Variants in VWA3B observed in about 807,000 individuals in gnomAD.
VWA3B encodes the protein von Willebrand factor A domain-containing protein 3B.
VWA3B carries 138 observed loss-of-function variants against 158.3 expected under a neutral mutation model. The observed-to-expected ratio is 0.87, with a 90% CI of 0.76 to 1.00. The LOEUF is 1.00. Among genes scored for constraint, VWA3B ranks in the 50% least tolerant of loss-of-function variants. The pLI, the probability that VWA3B is intolerant of heterozygous loss-of-function variation, is 0.00. For missense variants in VWA3B, 1,555 were observed against 1,565.1 expected, an observed-to-expected ratio of 0.99 and a Z score of 0.11; for synonymous variants, 596 against 587.3, an observed-to-expected ratio of 1.01 and a Z score of -0.21.
chr2:98,228,308 A>G lies in VWA3B; in HGVS notation c.2126A>G (p.Asn709Ser), dbSNP rs1165699108. 1 of 1,613,932 alleles carries G rather than the reference A, an allele frequency of 6.2e-7. No individual in the cohort carries two copies. ...TCCTTGATCATGGACTGGTGGTACAATGCAGAAAAGGATGGAGACAGCAAG... is the reference window on the plus strand; with the variant it reads ...TCCTTGATCATGGACTGGTGGTACAGTGCAGAAAAGGATGGAGACAGCAAG... Reference protein sequence around the residue: ...SESLIMDWWYNAEKDGDSKHQ... With the variant: ...SESLIMDWWYSAEKDGDSKHQ... The change falls in exon 15 of 28, where the codon AAT (asparagine) becomes AGT (serine). Residue 709 changes from asparagine (N) to serine (S), a missense_variant. Coordinates refer to ENST00000477737, the MANE Select transcript of VWA3B (RefSeq NM_144992.5).
chr2:98,303,275 T>G (rs1014667440), intron 25 of VWA3B, among the ~76,000 whole-genome samples: 62 of 101,504 alleles, frequency 6.1e-4, no homozygotes, highest in African/African-American at 7.4e-4. Flanking sequence ...GGGGTGGAGG[T>G]GGGTGTGGCA....
chr2:98,239,642 C>T (rs1353027235), intron 19 of VWA3B, among the ~76,000 whole-genome samples: 6 of 151,540 alleles, frequency 4.0e-5, no homozygotes, highest in Middle Eastern at 3.4e-3. Flanking sequence ...TGGCCAGGTG[C>T]GGTGGCTCAC....
chr2:98,161,703 ATGGAGTCTCATTCTGTCTCCTGGGC>A (rs1485547736), intron 7 of VWA3B, among the ~76,000 whole-genome samples: 1 of 152,066 alleles, frequency 6.6e-6, no homozygotes, highest in Non-Finnish European at 1.5e-5. Flanking sequence ...TTATTTCAAG[ATGGAGTCTCATTCTGTCTCCTGGGC>A]TGGAGTCTCA....
intron 7 of VWA3B, among the ~76,000 whole-genome samples, chr2:98,147,449 T>C (rs950010297): frequency 1.3e-5 from 2 of 152,206 alleles, no homozygotes; most frequent in African/African-American, 4.8e-5. Flanking sequence ...ACTATATACT[T>C]AAAAATAATT....
rs368389892 is a variant in VWA3B, at chr2:98,214,199, A to G, written c.1836+2171A>G. On this transcript the variant is annotated intron_variant, in intron 13 of 27. Coordinates refer to ENST00000477737, the MANE Select transcript of VWA3B (RefSeq NM_144992.5). ...GAGCGAGTCCCTGTCTCTAAGAAAA[A>G]AACAAAAAAAAAAGCAAAACACAAA... Among the ~76,000 whole-genome samples, 13 of 152,048 alleles carry G rather than the reference A, an allele frequency of 8.5e-5. No homozygotes were observed. In the South Asian group the frequency reaches 2.7e-3, roughly 32 times the overall value.
intron 22 of VWA3B, among the ~76,000 whole-genome samples, chr2:98,277,340 G>A (rs987328549): frequency 2.0e-5 from 3 of 152,168 alleles, no homozygotes; most frequent in Admixed American, 6.5e-5. Flanking sequence ...GAACGATAGG[G>A]GAAGTTGCCG....
At chr2:98,177,365 C>T (rs1045240443) in intron 8 of VWA3B, among the ~76,000 whole-genome samples, 1 of 152,098 alleles carries the variant, frequency 6.6e-6, no homozygotes, top group African/African-American at 2.4e-5. Flanking sequence ...GCTGTGAGCT[C>T]ATACTTCTAT....
chr2:98,216,575 T>TG lies in VWA3B; in HGVS notation c.1837-1270dup, dbSNP rs778584862. On this transcript the variant is annotated intron_variant, in intron 13 of 27. Transcript: ENST00000477737. ...CGGCCTTTCTTGCCACTCCAGCTGA[T>TG]GTGTGTGGAGGAAGGCTGCACAGCT... Among the ~76,000 whole-genome samples, 6 of 152,296 alleles carry TG rather than the reference T, an allele frequency of 3.9e-5. No homozygotes were observed. In the East Asian group the frequency reaches 1.2e-3, roughly 29 times the overall value.
intron 8 of VWA3B, among the ~76,000 whole-genome samples, chr2:98,165,641 C>A (rs971084516): frequency 6.6e-6 from 1 of 151,964 alleles, no homozygotes; most frequent in African/African-American, 2.4e-5. Context: ...GAGGCATGGG[C>A]AAGCCTGCTG....
chr2:98,146,957 G>A (rs922413704), intron 7 of VWA3B, among the ~76,000 whole-genome samples: 4 of 151,972 alleles, frequency 2.6e-5, no homozygotes, highest in Admixed American at 2.6e-4. Flanking sequence ...CACTTTTTTT[G>A]GTCATAGGGT....
intron 26 of VWA3B, among the ~76,000 whole-genome samples, chr2:98,306,497 T>C (rs1391092267): frequency 6.6e-6 from 1 of 152,178 alleles, no homozygotes; most frequent in Non-Finnish European, 1.5e-5. Flanking sequence ...CAATTCTCCA[T>C]TCTTTGTCTA....
intron 12 of VWA3B, among the ~76,000 whole-genome samples, chr2:98,205,038 A>T (rs1217070084): frequency 6.6e-6 from 1 of 152,178 alleles, no homozygotes; most frequent in Non-Finnish European, 1.5e-5. Flanking sequence ...TTGAACCCAG[A>T]AGCAGAGGCT....
chr2:98,183,157 G>T (rs894857470), intron 9 of VWA3B, among the ~76,000 whole-genome samples: 2 of 146,062 alleles, frequency 1.4e-5, no homozygotes, highest in African/African-American at 5.1e-5. Flanking sequence ...TTATGGTAAA[G>T]ATTGAGAATT....
rs200076367 is a variant in VWA3B at position 98,266,449 on chromosome 2, C to T, written c.2844-4233C>T. ...TACCATGCTGTTTTGGTTACTGTAG[C>T]CTTGCAGTATAGTTTGAAGTCAGGT... is the stretch of plus-strand genomic sequence containing the variant. On this transcript the variant is annotated intron_variant, in intron 21 of 27. Transcript: ENST00000477737. Among the ~76,000 whole-genome samples, 271 of 146,560 alleles carry T rather than the reference C, an allele frequency of 1.8e-3. 2 individuals carry two copies. The highest frequency in any genetic ancestry group is 5.1e-3 in the African/African-American group (205 of 40,260).
Position 98,216,980 on chromosome 2 carries a change from G to GCAC in VWA3B, c.1837-864_1837-862dup, listed in dbSNP as rs1553417696. The GCAC allele has an allele frequency of 7.3e-4, 725 of 994,960 alleles. 2 individuals carry two copies. The highest frequency in any genetic ancestry group is 7.9e-4 in the Non-Finnish European group (621 of 790,740). The allele number at this position is 994,960 out of a possible 1,614,324, so 61.6% of individuals were successfully genotyped here. ...GAGACTGTCATGTGTATCATTGTAA[G>GCAC]CACCCGCCCCGCACCCAGTCTCAGG... On this transcript the variant is annotated intron_variant, in intron 13 of 27. Transcript: ENST00000477737.
intron 2 of VWA3B, among the ~76,000 whole-genome samples, chr2:98,113,977 T>G (rs1260228977): frequency 1.3e-5 from 2 of 152,192 alleles, no homozygotes; most frequent in African/African-American, 4.8e-5. Context: ...AACTCCAAAC[T>G]CTCTCTTTCC....
intron 19 of VWA3B, chr2:98,245,453 C>T: frequency 2.4e-6 from 1 of 419,312 alleles, no homozygotes; most frequent in Non-Finnish European, 4.7e-6. Flanking sequence ...AGATGTCAGA[C>T]TCGAAGTGTG....
At chr2:98,311,350 C>A (rs184170289) in intron 26 of VWA3B, among the ~76,000 whole-genome samples, 1 of 152,340 alleles carries the variant, frequency 6.6e-6, no homozygotes, top group East Asian at 1.9e-4. Context: ...CATTACAAAT[C>A]ATACCATTTT....
chr2:98,300,258 A>C (rs374971918), intron 25 of VWA3B, 42 bp downstream of exon 25: 36 of 1,611,024 alleles, frequency 2.2e-5, no homozygotes, highest in Middle Eastern at 1.6e-4. Context: ...CTCCTGGGCA[A>C]TGCCAGGCTG....
Sources: allele counts gnomAD v4.1 joint callset (sites outside exome capture counted in the v4.1 genomes callset), GRCh38; gene constraint gnomAD v4.1.1; transcripts MANE v1.5; gene names NCBI Gene and HGNC (gene_info 2026-07-23, HGNC 2026-07-21).